TACR3: variants seen among roughly 807,000 people sequenced by gnomAD.
The protein encoded by TACR3 is tachykinin receptor 3.
TACR3 carries 34 observed loss-of-function variants against 35.0 expected under a neutral mutation model. The observed-to-expected ratio is 0.97, with a 90% confidence interval of 0.74 to 1.30. The LOEUF is 1.30. Ranked by LOEUF, TACR3 falls within the 50% of genes most tolerant of loss-of-function variation. The pLI is 0.00. For missense variants in TACR3, 558 were observed against 591.7 expected, an observed-to-expected ratio of 0.94 and a Z score of 0.59; for synonymous variants, 233 against 221.1, an observed-to-expected ratio of 1.05 and a Z score of -0.48.
chr4:103,654,431 C>T (rs1467541374), intron 3 of TACR3, among the ~76,000 whole-genome samples: 1 of 149,382 alleles, frequency 6.7e-6, no homozygotes, highest in Admixed American at 6.7e-5. Context: ...TCATTCTCAG[C>T]AAACTATTGC....
At chr4:103,597,851 G>T (rs1019930399) in intron 3 of TACR3, among the ~76,000 whole-genome samples, 3 of 152,066 alleles carry the variant, frequency 2.0e-5, no homozygotes, top group African/African-American at 4.8e-5. Context: ...TCAGTCTATT[G>T]TTTTTGGACA....
At chr4:103,671,681 T>C (rs940816989) in intron 1 of TACR3, among the ~76,000 whole-genome samples, 1 of 152,084 alleles carries the variant, frequency 6.6e-6, no homozygotes, top group Non-Finnish European at 1.5e-5. Context: ...TTCTCTCCTT[T>C]CTTCTTTGGC....
intron 3 of TACR3, among the ~76,000 whole-genome samples, chr4:103,594,393 G>T (rs1487364610): frequency 6.6e-6 from 1 of 152,064 alleles, no homozygotes; most frequent in Admixed American, 6.6e-5. Flanking sequence ...GGCCAGGCTT[G>T]TCTCAAACTC....
chr4:103,603,801 C>A (rs1053370191), intron 3 of TACR3, among the ~76,000 whole-genome samples: 1 of 152,166 alleles, frequency 6.6e-6, no homozygotes, highest in Non-Finnish European at 1.5e-5. Context: ...AGTGTGAAAG[C>A]ATTCCTATTT....
chr4:103,702,188 T>G (rs1243521695), intron 1 of TACR3, among the ~76,000 whole-genome samples: 1 of 151,908 alleles, frequency 6.6e-6, no homozygotes, highest in Non-Finnish European at 1.5e-5. Context: ...TACAATGAAC[T>G]CAAACAAATT....
At chr4:103,663,984 C>T (rs1725886981) in intron 1 of TACR3, among the ~76,000 whole-genome samples, 1 of 152,180 alleles carries the variant, frequency 6.6e-6, no homozygotes, top group South Asian at 2.1e-4. Flanking sequence ...CATCACCATT[C>T]TTCCTTCACC....
chr4:103,610,118 T>G (rs2110296729), intron 3 of TACR3, among the ~76,000 whole-genome samples: 1 of 152,230 alleles, frequency 6.6e-6, no homozygotes, highest in Middle Eastern at 3.4e-3. Context: ...ATTTCATTGC[T>G]TTTGAGTATG....
At chr4:103,606,605 C>G (rs1724372897) in intron 3 of TACR3, among the ~76,000 whole-genome samples, 1 of 152,106 alleles carries the variant, frequency 6.6e-6, no homozygotes, top group South Asian at 2.1e-4. Flanking sequence ...TGGGAGTTCA[C>G]TCATGATTTG....
intron 1 of TACR3, among the ~76,000 whole-genome samples, chr4:103,699,595 T>G (rs1450881065): frequency 1.3e-5 from 2 of 152,114 alleles, no homozygotes; most frequent in Non-Finnish European, 2.9e-5. Flanking sequence ...AGGTGAGTAT[T>G]GTAGTAATTT....
intron 1 of TACR3, among the ~76,000 whole-genome samples, chr4:103,673,033 C>G (rs897492317): frequency 2.0e-5 from 3 of 152,136 alleles, no homozygotes; most frequent in African/African-American, 7.2e-5. Context: ...TTCTTCAACT[C>G]TTTGAGCTTT....
intron 3 of TACR3, among the ~76,000 whole-genome samples, chr4:103,594,335 G>A (rs4286517): frequency 0.56 from 85,189 of 151,668 alleles, 25,363 homozygotes; most frequent in Non-Finnish European, 0.65. Context: ...GTGCCACCAC[G>A]CCTGGCTAAT....
intron 1 of TACR3, among the ~76,000 whole-genome samples, chr4:103,715,677 A>G (rs1171803144): frequency 6.6e-6 from 1 of 152,208 alleles, no homozygotes; most frequent in African/African-American, 2.4e-5. Flanking sequence ...ATTTTCATTT[A>G]CTATATGTTA....
At chr4:103,599,558 TTTTGCCCATTCAGTA>T (rs1402519252) in intron 3 of TACR3, among the ~76,000 whole-genome samples, 3 of 152,204 alleles carry the variant, frequency 2.0e-5, no homozygotes, top group African/African-American at 7.2e-5. Context: ...TGCTTCCAGT[TTTTGCCCATTCAGTA>T]TGATATTGGC....
intron 1 of TACR3, among the ~76,000 whole-genome samples, chr4:103,715,054 G>A (rs894277753): frequency 1.3e-5 from 2 of 152,060 alleles, no homozygotes; most frequent in African/African-American, 2.4e-5. Flanking sequence ...TTTGTTGAAC[G>A]CTCCTTTTAA....
intron 1 of TACR3, among the ~76,000 whole-genome samples, chr4:103,713,085 T>G (rs12331949): frequency 0.33 from 50,267 of 151,884 alleles, 12,866 homozygotes; most frequent in African/African-American, 0.72. Context: ...CAAGGATCTA[T>G]AACTAGAAAT....
intron 3 of TACR3, among the ~76,000 whole-genome samples, chr4:103,626,062 A>G (rs1191645408): frequency 6.6e-6 from 1 of 152,190 alleles, no homozygotes; most frequent in East Asian, 1.9e-4. Flanking sequence ...CAGTGGAAAA[A>G]TAAATGTCTA....
chr4:103,628,802 G>A (rs1578233270), intron 3 of TACR3, among the ~76,000 whole-genome samples: 1 of 151,276 alleles, frequency 6.6e-6, no homozygotes, highest in South Asian at 2.1e-4. Context: ...ATTTTATGAG[G>A]CAAGCATCAT....
chr4:103,690,526 C>G (rs560116756), intron 1 of TACR3, among the ~76,000 whole-genome samples: 11 of 152,096 alleles, frequency 7.2e-5, no homozygotes, highest in African/African-American at 2.6e-4. Context: ...GGGAAATAGA[C>G]AATTCAATAA....
chr4:103,656,093 A>T, intron 3 of TACR3, 101 bp downstream of exon 3: 1 of 1,415,154 alleles, frequency 7.1e-7, no homozygotes. Flanking sequence ...ACAGGAGTAG[A>T]GCATCAGATC....
Sources: allele counts gnomAD v4.1 joint callset (sites outside exome capture counted in the v4.1 genomes callset), GRCh38; gene constraint gnomAD v4.1.1; transcripts MANE v1.5; gene names NCBI Gene and HGNC (gene_info 2026-07-23, HGNC 2026-07-21).